Variants in PABPC4L observed in about 807,000 individuals in gnomAD.
PABPC4L encodes poly(A) binding protein cytoplasmic 4 like.
For synonymous variants in PABPC4L, 169 were observed against 164.1 expected (o/e 1.03, Z -0.23); for missense variants, 452 against 451.4 (o/e 1.00, Z -0.01).
the PABPC4L span, among the ~76,000 whole-genome samples, chr4:134,017,286 G>T: frequency 3.3e-5 from 5 of 152,114 alleles, no homozygotes; most frequent in Admixed American, 3.3e-4. Context: ...CAGAATTCAG[G>T]CCTGTCCTCG....
the PABPC4L span, among the ~76,000 whole-genome samples, chr4:134,085,479 A>T: frequency 3.6e-4 from 55 of 152,112 alleles, no homozygotes; most frequent in Non-Finnish European, 6.9e-4. Context: ...ACAAATCCTA[A>T]GTGCACATCT....
At chr4:134,035,480 A>T in the PABPC4L span, among the ~76,000 whole-genome samples, 1 of 152,144 alleles carries the variant, frequency 6.6e-6, no homozygotes, top group Middle Eastern at 3.4e-3. Context: ...AAAATTATTA[A>T]ATCTACTATT....
the PABPC4L span, among the ~76,000 whole-genome samples, chr4:133,988,185 T>C: frequency 2.0e-5 from 3 of 152,122 alleles, no homozygotes; most frequent in Non-Finnish European, 4.4e-5. Context: ...TGATTCTCCC[T>C]CTAACCCCTC....
the PABPC4L span, among the ~76,000 whole-genome samples, chr4:134,100,852 G>A: frequency 6.6e-6 from 1 of 151,434 alleles, no homozygotes; most frequent in Non-Finnish European, 1.5e-5. Flanking sequence ...ATCATATTAA[G>A]TATTATTTAA....
chr4:134,144,944 G>C, the PABPC4L span, among the ~76,000 whole-genome samples: 12 of 151,606 alleles, frequency 7.9e-5, no homozygotes, highest in African/African-American at 2.9e-4. Context: ...TAAAACTTTT[G>C]TGAAGGACAA....
At chr4:133,971,222 C>T in the PABPC4L span, among the ~76,000 whole-genome samples, 1 of 144,436 alleles carries the variant, frequency 6.9e-6, no homozygotes, top group East Asian at 2.2e-4. Context: ...ACGCATTCTA[C>T]TGCCTCAGCC....
At chr4:134,063,355 G>T in the PABPC4L span, among the ~76,000 whole-genome samples, 3 of 151,904 alleles carry the variant, frequency 2.0e-5, no homozygotes, top group African/African-American at 7.3e-5. Flanking sequence ...ATATCCTCTT[G>T]AACTCTCAGT....
At chr4:134,000,309 A>T in the PABPC4L span, among the ~76,000 whole-genome samples, 1 of 152,306 alleles carries the variant, frequency 6.6e-6, no homozygotes, top group African/African-American at 2.4e-5. Context: ...AAAATGCTTA[A>T]CAGAAAATAT....
At chr4:134,051,933 A>T in the PABPC4L span, among the ~76,000 whole-genome samples, 3 of 152,146 alleles carry the variant, frequency 2.0e-5, no homozygotes, top group Non-Finnish European at 4.4e-5. Context: ...ATTAGATATA[A>T]ATTAAATGGT....
At chr4:134,156,913 A>G in the PABPC4L span, among the ~76,000 whole-genome samples, 2 of 151,916 alleles carry the variant, frequency 1.3e-5, no homozygotes, top group East Asian at 1.9e-4. Flanking sequence ...GTGCTGAGGT[A>G]CACTCTAATT....
downstream of PABPC4L, among the ~76,000 whole-genome samples, chr4:134,192,204 C>T (rs1490802881): frequency 2.0e-5 from 3 of 152,024 alleles, no homozygotes; most frequent in East Asian, 5.8e-4. Flanking sequence ...AAATTAAGTG[C>T]TGATACATGC....
the PABPC4L span, among the ~76,000 whole-genome samples, chr4:134,138,926 G>A: frequency 6.5e-3 from 987 of 151,816 alleles, 10 homozygotes; most frequent in African/African-American, 0.022. Context: ...TATTCAAACT[G>A]ACTAATATCA....
chr4:133,962,235 C>T, the PABPC4L span, among the ~76,000 whole-genome samples: 1 of 152,082 alleles, frequency 6.6e-6, no homozygotes. Flanking sequence ...TTTAACACAA[C>T]CAAAAAATCA....
the PABPC4L span, among the ~76,000 whole-genome samples, chr4:134,043,963 C>A: frequency 6.6e-6 from 1 of 151,562 alleles, no homozygotes; most frequent in Non-Finnish European, 1.5e-5. Context: ...TGTTTTGAGA[C>A]ACATTCTGTC....
the PABPC4L span, among the ~76,000 whole-genome samples, chr4:133,976,495 C>T: frequency 6.6e-6 from 1 of 152,046 alleles, no homozygotes; most frequent in Admixed American, 6.6e-5. Context: ...ATTGCTGGGT[C>T]AAATAGTATT....
chr4:134,001,260 G>C, the PABPC4L span, among the ~76,000 whole-genome samples: 1 of 143,222 alleles, frequency 7.0e-6, no homozygotes, highest in South Asian at 2.3e-4. Context: ...ATGACAGCAT[G>C]AGCAAGAGCA....
At chr4:134,077,188 T>C in the PABPC4L span, among the ~76,000 whole-genome samples, 2 of 152,180 alleles carry the variant, frequency 1.3e-5, no homozygotes, top group Admixed American at 6.5e-5. Flanking sequence ...TTAAGTTTCT[T>C]GAAATGTTCC....
chr4:134,103,430 G>A, the PABPC4L span, among the ~76,000 whole-genome samples: 5 of 151,522 alleles, frequency 3.3e-5, no homozygotes, highest in African/African-American at 4.8e-5. Flanking sequence ...TTCTTCTGAG[G>A]CCTCTCATCT....
At chr4:134,131,072 C>T in the PABPC4L span, among the ~76,000 whole-genome samples, 1 of 151,990 alleles carries the variant, frequency 6.6e-6, no homozygotes, top group African/African-American at 2.4e-5. Flanking sequence ...ATGACAAACC[C>T]ACAGCCAACA....
Sources: gnomAD v4.1 joint callset for allele counts (sites outside exome capture counted in the v4.1 genomes callset) on GRCh38, gnomAD v4.1.1 for gene constraint, MANE v1.5 for transcripts, NCBI Gene and HGNC (gene_info 2026-07-23, HGNC 2026-07-21) for gene names.